C4BPA: variants seen among roughly 807,000 people sequenced by gnomAD.
C4BPA encodes C4b-binding protein alpha chain.
A neutral mutation model predicts 63.7 loss-of-function variants in C4BPA; 31 were observed. The ratio of observed to expected loss-of-function variants is 0.49; its 90% CI spans 0.37 to 0.66. C4BPA has a LOEUF of 0.66. Among genes scored for constraint, C4BPA ranks in the 30% least tolerant of loss-of-function variants. The pLI is 0.00. For missense variants in C4BPA, 572 were observed against 723.3 expected, an observed-to-expected ratio of 0.79 and a Z score of 2.40; for synonymous variants, 259 against 254.7, an observed-to-expected ratio of 1.02 and a Z score of -0.16.
chr1:207,114,535 C>T, intron 3 of C4BPA: 1 of 234,112 alleles, frequency 4.3e-6, no homozygotes, highest in South Asian at 4.2e-5. Context: ...GCTCTGTCTC[C>T]CAGGCTGGAG....
At chr1:207,126,954 T>C in intron 7 of C4BPA, 59 bp downstream of exon 7, 1 of 1,256,390 alleles carries the variant, frequency 8.0e-7, no homozygotes, top group South Asian at 1.4e-5. Context: ...CCCGTACTGT[T>C]AATACGGGTA....
intron 9 of C4BPA, among the ~76,000 whole-genome samples, chr1:207,140,228 T>C (rs1685385329): frequency 6.6e-6 from 1 of 152,198 alleles, no homozygotes; most frequent in Non-Finnish European, 1.5e-5. Flanking sequence ...GAATTCCTTA[T>C]AGCTTTGGTA....
At chr1:207,137,118 T>G (rs969919941) in intron 9 of C4BPA, among the ~76,000 whole-genome samples, 50 of 152,264 alleles carry the variant, frequency 3.3e-4, no homozygotes, top group African/African-American at 1.1e-3. Flanking sequence ...AAGATCCCCA[T>G]GTATGTATAA....
At chr1:207,119,995 T>A (rs1323949120) in intron 4 of C4BPA, among the ~76,000 whole-genome samples, 2 of 152,164 alleles carry the variant, frequency 1.3e-5, no homozygotes, top group African/African-American at 4.8e-5. Flanking sequence ...TTATTATAGT[T>A]TTTTGTTGAT....
chr1:207,109,596 G>T (rs949211804), intron 1 of C4BPA, among the ~76,000 whole-genome samples: 2 of 152,184 alleles, frequency 1.3e-5, no homozygotes, highest in Non-Finnish European at 2.9e-5. Context: ...CATGCCCAAG[G>T]TCTTGGCCAC....
In C4BPA at chr1:207,124,294, C is replaced by T; in HGVS notation, c.634C>T (p.His212Tyr). 6.2e-7 allele frequency: 1 copy of T among 1,613,904 alleles called. No homozygotes were observed. Among genetic ancestry groups the T allele is most frequent in the Non-Finnish European group, 8.5e-7 (1 of 1,179,878 alleles). ...SCDPRFSLLG[H>Y]ASISCTVENE... Reference sequence around the variant, plus strand: ...TGACCCCCGCTTCTCACTCTTGGGCCATGCCTCCATTTCTTGCACTGTGGA... The same window carrying T: ...TGACCCCCGCTTCTCACTCTTGGGCTATGCCTCCATTTCTTGCACTGTGGA... Residue 212 changes from histidine to tyrosine, a missense_variant, in exon 6 of 12, where the codon CAT (histidine) becomes TAT (tyrosine). Coordinates refer to ENST00000367070, the MANE Select transcript of C4BPA (RefSeq NM_000715.4).
chr1:207,131,506 T>G (rs779229160), intron 7 of C4BPA, 40 bp from the exon 8 acceptor site: 2 of 1,448,690 alleles, frequency 1.4e-6, no homozygotes, highest in East Asian at 4.6e-5. Flanking sequence ...GCCCTAGTAA[T>G]AGCGTCCTTT....
At chr1:207,112,053 T>G (rs1684677513) in intron 1 of C4BPA, among the ~76,000 whole-genome samples, 1 of 152,008 alleles carries the variant, frequency 6.6e-6, no homozygotes, top group South Asian at 2.1e-4. Context: ...AACACAAACT[T>G]AGGATATGTT....
At position 207,135,984 on chromosome 1, in the gene C4BPA, G is replaced by T. The variant is rs73079149; in HGVS notation, c.1273+1392G>T. 6.8e-3 allele frequency among the ~76,000 whole-genome samples: 1,039 copies of T among 152,304 alleles called. 10 individuals are homozygous for T. The highest frequency in any genetic ancestry group is 0.023 in the African/African-American group (966 of 41,552). ...CCTTAAGATGACCGTGCTGACTGAG[G>T]TTCTGCAAGGAAGAAAGGCAAACCC... On this transcript the variant is annotated intron_variant, in intron 9 of 11. Transcript: ENST00000367070.
intron 1 of C4BPA, among the ~76,000 whole-genome samples, chr1:207,110,607 T>C (rs539486674): frequency 1.3e-5 from 2 of 152,232 alleles, no homozygotes; most frequent in East Asian, 1.9e-4. Context: ...CTGGGCAACA[T>C]AGTAAGATCA....
chr1:207,130,864 G>C (rs1685144324), intron 7 of C4BPA, among the ~76,000 whole-genome samples: 1 of 152,126 alleles, frequency 6.6e-6, no homozygotes, highest in Non-Finnish European at 1.5e-5. Context: ...AAAATATTCT[G>C]AAATTAGTTA....
At position 207,141,147 on chromosome 1, in the gene C4BPA, C is replaced by A. The variant is rs1409328946; in HGVS notation, c.1315C>A (p.Gln439Lys). Residue 439 changes from glutamine (Q) to lysine (K), a missense_variant, in exon 10 of 12, where the codon CAA (glutamine) becomes AAA (lysine). Gln to Lys is a moderately conservative substitution (Grantham distance 53). Around this residue, in one of 2 missense-constraint regions of C4BPA, gnomAD observed 465 missense variants for 629.4 expected, o/e 0.74. Coordinates refer to ENST00000367070, the MANE Select transcript of C4BPA (RefSeq NM_000715.4). ...TAAAATTGCCCATGGGCATTATAAA[C>A]AATCTAGTTCATACAGCTTTTTCAA... is the stretch of plus-strand genomic sequence containing the variant. ...PPKIAHGHYK[Q>K]SSSYSFFKEE... The A allele has an allele frequency of 6.2e-7, 1 of 1,612,880 alleles. No homozygotes were observed. The highest frequency in any genetic ancestry group is 1.3e-5 in the African/African-American group (1 of 74,972).
Position 207,144,649 on chromosome 1 carries a change from C to T in C4BPA, c.1726C>T (p.Leu576=). The stretch of plus-strand genomic sequence containing the variant: ...GGCCCTGGAGGTATATAAGCTGTCT[C>T]TGGAAATTGAACAACTGGAACTACA... ...KMALEVYKLS[L]EIEQLELQRD... is the part of the protein sequence containing the mutation. The change falls in exon 12 of 12, where the codon CTG becomes TTG. Residue 576 remains leucine (L), a synonymous_variant. Transcript: ENST00000367070. 6.2e-7 allele frequency: 1 copy of T among 1,613,678 alleles called. No homozygotes were observed. Among genetic ancestry groups the T allele is most frequent in the Non-Finnish European group, 8.5e-7 (1 of 1,179,798 alleles).
intron 2 of C4BPA, 81 bp downstream of exon 2, chr1:207,113,248 G>A: frequency 6.9e-7 from 1 of 1,453,730 alleles, no homozygotes; most frequent in Non-Finnish European, 9.4e-7. Context: ...TAAAAAAAAT[G>A]ATGACTGAGC....
chr1:207,118,224 T>TATCTATCTATC lies in C4BPA; in HGVS notation c.428+2710_428+2720dup, dbSNP rs1216206641. Among the ~76,000 whole-genome samples the TATCTATCTATC allele has an allele frequency of 9.1e-3, 1,381 of 151,234 alleles. 33 individuals are homozygous for TATCTATCTATC. Among genetic ancestry groups the TATCTATCTATC allele is most frequent in the African/African-American group, 0.031 (1,272 of 40,754 alleles). ...TCTATCTATCATCTGTCTATCTATC[T>TATCTATCTATC]ATCTATCTATCTATCTATCTATCAT... On this transcript the variant is annotated intron_variant, in intron 4 of 11. Transcript: ENST00000367070.
At chr1:207,117,929 C>A (rs1315394823) in intron 4 of C4BPA, among the ~76,000 whole-genome samples, 3 of 152,138 alleles carry the variant, frequency 2.0e-5, no homozygotes, top group African/African-American at 7.2e-5. Context: ...ATTCTGCTAC[C>A]CTTTGCTATG....
chr1:207,127,462 C>G (rs1228213365), intron 7 of C4BPA: 2 of 152,162 alleles, frequency 1.3e-5, no homozygotes, highest in Non-Finnish European at 2.9e-5. Flanking sequence ...ATTGTGGGCA[C>G]TATGATTATC....
At chr1:207,119,892 C>A (rs544430691) in intron 4 of C4BPA, among the ~76,000 whole-genome samples, 53 of 152,322 alleles carry the variant, frequency 3.5e-4, no homozygotes, top group African/African-American at 1.2e-3. Flanking sequence ...CCTCAGCAAG[C>A]ACTTCATCTG....
rs17021206 is a variant in C4BPA, at chr1:207,124,961, T to A, written c.706+595T>A. On this transcript the variant is annotated intron_variant, in intron 6 of 11. Transcript: ENST00000367070. ...GAAAATATAATTTGCACCTATAAGA[T>A]GAAACACATATGCCTGTAGGGCAAG... 2.6e-5 allele frequency among the ~76,000 whole-genome samples: 4 copies of A among 152,114 alleles called. 1 individual carries two copies. The highest frequency in any genetic ancestry group is 1.3e-4 in the Admixed American group (2 of 15,262).
Sources: gnomAD v4.1 joint callset for allele counts (sites outside exome capture counted in the v4.1 genomes callset) on GRCh38, gnomAD v4.1.1 for gene constraint, gnomAD v4.1.1 regional missense constraint, MANE v1.5 for transcripts, NCBI Gene and HGNC (gene_info 2026-07-23, HGNC 2026-07-21) for gene names.